The following GABRB1 variants were observed in gnomAD, a reference collection of about 807,000 sequenced individuals.
GABRB1 encodes the protein gamma-aminobutyric acid type A receptor subunit beta1.
GABRB1 carries 17 observed loss-of-function variants against 51.6 expected under a neutral mutation model. The observed-to-expected ratio is 0.33, with a 90% CI of 0.23 to 0.49. GABRB1 has a LOEUF of 0.49. GABRB1 is among the 20% of genes least tolerant of loss of function. The pLI is 0.99. For missense variants in GABRB1, 410 were observed against 600.6 expected, an observed-to-expected ratio of 0.68 and a Z score of 3.32; for synonymous variants, 247 against 218.9, an observed-to-expected ratio of 1.13 and a Z score of -1.14.
intron 4 of GABRB1, among the ~76,000 whole-genome samples, chr4:47,170,160 T>C (rs1448804126): frequency 6.6e-6 from 1 of 152,138 alleles, no homozygotes; most frequent in Non-Finnish European, 1.5e-5. Context: ...TCCTCTACCA[T>C]ATTTGTTTAC....
At chr4:47,395,773 A>T (rs1728159169) in intron 5 of GABRB1, among the ~76,000 whole-genome samples, 1 of 152,270 alleles carries the variant, frequency 6.6e-6, no homozygotes, top group South Asian at 2.1e-4. Flanking sequence ...AGTCCCCCCA[A>T]AAGAAATTGT....
At chr4:47,015,226 A>G (rs989817084) in intron 1 of GABRB1, among the ~76,000 whole-genome samples, 1 of 152,188 alleles carries the variant, frequency 6.6e-6, no homozygotes, top group Non-Finnish European at 1.5e-5. Flanking sequence ...ATTTATTATG[A>G]TGGGTCTATA....
chr4:47,064,048 A>G (rs1726952759), intron 3 of GABRB1, among the ~76,000 whole-genome samples: 1 of 152,140 alleles, frequency 6.6e-6, no homozygotes, highest in East Asian at 1.9e-4. Context: ...CCAGAACTTA[A>G]AACTAAAATT....
At chr4:47,246,327 CACATATGTACATAT>C (rs1721743867) in intron 4 of GABRB1, among the ~76,000 whole-genome samples, 1 of 58,578 alleles carries the variant, frequency 1.7e-5, no homozygotes, top group Non-Finnish European at 3.4e-5. Context: ...CACACACACA[CACATATGTACATAT>C]ATATATATAT....
intron 3 of GABRB1, among the ~76,000 whole-genome samples, chr4:47,114,976 T>C (rs78037595): frequency 0.032 from 4,815 of 152,250 alleles, 367 homozygotes; most frequent in East Asian, 0.16. Flanking sequence ...CTCAATTCCT[T>C]GACTGACTTC....
At chr4:47,008,131 G>A (rs1160232731) in intron 1 of GABRB1, among the ~76,000 whole-genome samples, 1 of 151,918 alleles carries the variant, frequency 6.6e-6, no homozygotes, top group Non-Finnish European at 1.5e-5. Context: ...GGACATTGTT[G>A]GTATTTGTTA....
chr4:47,384,098 C>T lies in GABRB1; in HGVS notation c.545-19220C>T, dbSNP rs192072322. 4.4e-3 allele frequency among the ~76,000 whole-genome samples: 663 copies of T among 151,932 alleles called. 8 individuals are homozygous for T. Among genetic ancestry groups the T allele is most frequent in the Admixed American group, 0.03 (464 of 15,264 alleles). On this transcript the variant is annotated intron_variant, in intron 5 of 8. Transcript: ENST00000295454. ...GGCAATTTCTAGAACGTAAAAATAA[C>T]GTATCAGGTTTTATTTTTTAAATGA...
At chr4:47,154,259 T>TG (rs1319219344) in intron 3 of GABRB1, among the ~76,000 whole-genome samples, 34 of 150,688 alleles carry the variant, frequency 2.3e-4, no homozygotes, top group South Asian at 8.5e-4. Flanking sequence ...TTATGGTTGT[T>TG]TTTTTTTTTT....
intron 3 of GABRB1, among the ~76,000 whole-genome samples, chr4:47,133,439 G>A (rs990151858): frequency 6.6e-6 from 1 of 152,206 alleles, no homozygotes; most frequent in Non-Finnish European, 1.5e-5. Flanking sequence ...GGCATGTGAA[G>A]TTTCTTCAAT....
chr4:47,009,297 C>G (rs1467170592), intron 1 of GABRB1, among the ~76,000 whole-genome samples: 1 of 150,920 alleles, frequency 6.6e-6, no homozygotes, highest in Non-Finnish European at 1.5e-5. Flanking sequence ...GTTTTTGTAT[C>G]AAAACATCAC....
chr4:47,077,897 ATG>A (rs1215661255), intron 3 of GABRB1, among the ~76,000 whole-genome samples: 1 of 135,590 alleles, frequency 7.4e-6, no homozygotes, highest in Non-Finnish European at 1.6e-5. Flanking sequence ...TATATATTAT[ATG>A]TATTTTATAT....
intron 3 of GABRB1, among the ~76,000 whole-genome samples, chr4:47,036,360 C>G (rs1457644212): frequency 6.6e-6 from 1 of 152,054 alleles, no homozygotes; most frequent in Non-Finnish European, 1.5e-5. Flanking sequence ...TGTCAGATTC[C>G]CAGTCCCCAC....
intron 4 of GABRB1, among the ~76,000 whole-genome samples, chr4:47,285,594 G>T (rs1411335713): frequency 2.0e-5 from 3 of 152,180 alleles, no homozygotes; most frequent in Non-Finnish European, 4.4e-5. Flanking sequence ...AACAGCAGGA[G>T]TTGGTTCCTA....
intron 5 of GABRB1, among the ~76,000 whole-genome samples, chr4:47,334,406 A>T (rs1725612524): frequency 6.6e-6 from 1 of 152,160 alleles, no homozygotes; most frequent in South Asian, 2.1e-4. Flanking sequence ...TTTGAGTTTT[A>T]AATAAACTGA....
chr4:47,243,986 T>C (rs1578028682), intron 4 of GABRB1, among the ~76,000 whole-genome samples: 1 of 152,096 alleles, frequency 6.6e-6, no homozygotes, highest in African/African-American at 2.4e-5. Flanking sequence ...ATGCTTCCAG[T>C]TTTTGCCCAT....
At chr4:47,097,591 G>A (rs763417819) in intron 3 of GABRB1, among the ~76,000 whole-genome samples, 29 of 152,098 alleles carry the variant, frequency 1.9e-4, no homozygotes, top group Non-Finnish European at 3.5e-4. Context: ...GAGAATGTAA[G>A]TCCAACCAGC....
chr4:47,273,565 A>C (rs894971225), intron 4 of GABRB1, among the ~76,000 whole-genome samples: 1 of 152,160 alleles, frequency 6.6e-6, no homozygotes, highest in Non-Finnish European at 1.5e-5. Context: ...CTAGTGCCAG[A>C]CTACCTGAGT....
chr4:47,061,663 A>G (rs1376891212), intron 3 of GABRB1, among the ~76,000 whole-genome samples: 1 of 152,224 alleles, frequency 6.6e-6, no homozygotes. Flanking sequence ...CCTTTGCTTC[A>G]TGCAGAAGCT....
intron 3 of GABRB1, among the ~76,000 whole-genome samples, chr4:47,083,532 T>C (rs1727940249): frequency 6.6e-6 from 1 of 152,140 alleles, no homozygotes; most frequent in African/African-American, 2.4e-5. Flanking sequence ...TGAATGTGCA[T>C]CAAAACCTTT....
Sources: allele counts gnomAD v4.1 joint callset (sites outside exome capture counted in the v4.1 genomes callset), GRCh38; gene constraint gnomAD v4.1.1; transcripts MANE v1.5; gene names NCBI Gene and HGNC (gene_info 2026-07-23, HGNC 2026-07-21).